IQGAP2: variants seen among roughly 807,000 people sequenced by gnomAD.
IQGAP2 encodes ras GTPase-activating-like protein IQGAP2.
A neutral mutation model predicts 201.3 loss-of-function variants in IQGAP2; 173 were observed. That is an observed-to-expected ratio of 0.86 (90% confidence interval 0.76 to 0.98). The LOEUF (loss-of-function observed/expected upper bound fraction) is 0.98. Among genes scored for constraint, IQGAP2 ranks in the 50% least tolerant of loss-of-function variants. The pLI is 0.00. For synonymous variants in IQGAP2, 675 were observed against 673.9 expected (o/e 1.00, Z -0.03); for missense variants, 1,687 against 1,864.8 (o/e 0.90, Z 1.76).
intron 17 of IQGAP2, among the ~76,000 whole-genome samples, chr5:76,643,471 G>A (rs1482441075): frequency 6.6e-6 from 1 of 152,168 alleles, no homozygotes; most frequent in Non-Finnish European, 1.5e-5. Context: ...TCACATAACA[G>A]ATGTTTCCTA....
At chr5:76,603,361 A>G (rs1328646746) in intron 11 of IQGAP2, among the ~76,000 whole-genome samples, 1 of 152,220 alleles carries the variant, frequency 6.6e-6, no homozygotes, top group Non-Finnish European at 1.5e-5. Context: ...TTAAAGGAGC[A>G]TATGCCTTGG....
chr5:76,610,829 G>A (rs1007321275), intron 12 of IQGAP2, among the ~76,000 whole-genome samples, 191 bp from the exon 13 acceptor site: 1 of 152,076 alleles, frequency 6.6e-6, no homozygotes, highest in Non-Finnish European at 1.5e-5. Context: ...GCAGTCTTAT[G>A]AATTGAATGT....
Position 76,674,728 on chromosome 5 carries a change from T to A in IQGAP2, c.3527+19T>A, listed in dbSNP as rs868585010. ...AATTCAGGTGAGAGGGGCCCTTAGTTTTGGAGAAACGTGCAAGAATGGTAG... is the reference window on the plus strand; with the variant it reads ...AATTCAGGTGAGAGGGGCCCTTAGTATTGGAGAAACGTGCAAGAATGGTAG... On this transcript the variant is annotated intron_variant, in intron 27 of 35. Coordinates refer to ENST00000274364, the MANE Select transcript of IQGAP2 (RefSeq NM_006633.5). 12 of 1,548,766 alleles carry A rather than the reference T, an allele frequency of 7.7e-6. 1 individual carries two copies. The Middle Eastern group carries it at 5.1e-4, about 65-fold the overall frequency.
At chr5:76,664,134 C>G (rs1195638767) in intron 21 of IQGAP2, among the ~76,000 whole-genome samples, 1 of 152,132 alleles carries the variant, frequency 6.6e-6, no homozygotes, top group Non-Finnish European at 1.5e-5. Flanking sequence ...TTTTGATATG[C>G]CTTCTTCACT....
chr5:76,701,033 A>G, intron 33 of IQGAP2, 43 bp from the exon 34 acceptor site: 1 of 1,607,618 alleles, frequency 6.2e-7, no homozygotes, highest in Non-Finnish European at 8.5e-7. Flanking sequence ...AAGCCTCTGC[A>G]TTTGCCATCA....
intron 1 of IQGAP2, among the ~76,000 whole-genome samples, chr5:76,427,731 G>A (rs553832071): frequency 4.6e-5 from 7 of 152,282 alleles, no homozygotes; most frequent in African/African-American, 1.7e-4. Flanking sequence ...AGGTGATGCC[G>A]GCACTGCAGG....
At chr5:76,599,823 C>T (rs1747304307) in intron 10 of IQGAP2, among the ~76,000 whole-genome samples, 2 of 151,932 alleles carry the variant, frequency 1.3e-5, no homozygotes, top group African/African-American at 4.8e-5. Context: ...TTTTCATGCT[C>T]CTGCTCCTTA....
chr5:76,496,578 A>T (rs1756900815), intron 2 of IQGAP2, among the ~76,000 whole-genome samples: 1 of 152,212 alleles, frequency 6.6e-6, no homozygotes, highest in African/African-American at 2.4e-5. Flanking sequence ...AGGGGCCTAC[A>T]CGAAGGTGTG....
intron 2 of IQGAP2, among the ~76,000 whole-genome samples, chr5:76,512,708 A>G (rs553311375): frequency 1.3e-5 from 2 of 152,236 alleles, no homozygotes; most frequent in Non-Finnish European, 2.9e-5. Context: ...AGTATTTCCA[A>G]TGACTGCAAT....
chr5:76,643,083 T>G (rs1261223204), intron 17 of IQGAP2, among the ~76,000 whole-genome samples: 1 of 152,150 alleles, frequency 6.6e-6, no homozygotes, highest in African/African-American at 2.4e-5. Context: ...GGAATGTAAC[T>G]TGTAAAATAT....
intron 10 of IQGAP2, among the ~76,000 whole-genome samples, chr5:76,600,526 A>G (rs892556434): frequency 6.6e-6 from 1 of 152,192 alleles, no homozygotes; most frequent in African/African-American, 2.4e-5. Flanking sequence ...TTAAGCAACC[A>G]GTATAGCTAG....
intron 2 of IQGAP2, among the ~76,000 whole-genome samples, chr5:76,559,654 C>T (rs1173319506): frequency 6.6e-6 from 1 of 152,220 alleles, no homozygotes; most frequent in African/African-American, 2.4e-5. Context: ...GCCTTTCCAA[C>T]TACAGCAGGT....
intron 9 of IQGAP2, among the ~76,000 whole-genome samples, chr5:76,595,271 T>C (rs1002565432): frequency 1.1e-4 from 13 of 123,222 alleles, no homozygotes; most frequent in South Asian, 6.5e-4. Flanking sequence ...TTTTTTTTTT[T>C]CCGGACAGGG....
At chr5:76,632,855 G>C (rs1044876606) in intron 15 of IQGAP2, among the ~76,000 whole-genome samples, 5 of 151,700 alleles carry the variant, frequency 3.3e-5, no homozygotes, top group East Asian at 1.9e-4. Flanking sequence ...TGTTTGTCTA[G>C]TAGTACTCTA....
In IQGAP2 at chr5:76,683,820, C is replaced by T; in HGVS notation, c.3808C>T (p.Leu1270=). ...DPNDPNKANT[L]SQLSKTEISL... ...CAATGACCCTAACAAGGCAAATACA[C>T]TAAGTCAGCTTTCAAAGACCGAGAT... is the stretch of plus-strand genomic sequence containing the variant. The change falls in exon 30 of 36, where the codon CTA becomes TTA. Residue 1270 remains leucine, a synonymous_variant. Transcript: ENST00000274364. 6.2e-7 allele frequency: 1 copy of T among 1,613,624 alleles called. No individual in the cohort carries two copies. The highest frequency in any genetic ancestry group is 8.5e-7 in the Non-Finnish European group (1 of 1,179,750).
intron 13 of IQGAP2, among the ~76,000 whole-genome samples, chr5:76,619,264 G>C (rs1385802637): frequency 6.6e-6 from 1 of 152,176 alleles, no homozygotes; most frequent in Non-Finnish European, 1.5e-5. Context: ...ATAAAGTGCA[G>C]CTGAGAAAGG....
chr5:76,548,601 C>T (rs572291121), intron 2 of IQGAP2, among the ~76,000 whole-genome samples: 1 of 152,320 alleles, frequency 6.6e-6, no homozygotes, highest in South Asian at 2.1e-4. Context: ...CAGCCGCTTA[C>T]TAGCTGTGTA....
intron 1 of IQGAP2, among the ~76,000 whole-genome samples, chr5:76,454,180 C>A (rs1205502735): frequency 6.6e-6 from 1 of 152,100 alleles, no homozygotes; most frequent in African/African-American, 2.4e-5. Flanking sequence ...TCTAGATACA[C>A]CCCACCCACA....
chr5:76,570,496 C>A (rs1745035516), intron 3 of IQGAP2, 84 bp from the exon 4 acceptor site: 1 of 873,768 alleles, frequency 1.1e-6, no homozygotes, highest in East Asian at 2.4e-5. Context: ...TGAAAAGCAT[C>A]CTGTACATGA....
Sources: gnomAD v4.1 joint callset for allele counts (sites outside exome capture counted in the v4.1 genomes callset) on GRCh38, gnomAD v4.1.1 for gene constraint, MANE v1.5 for transcripts, NCBI Gene and HGNC (gene_info 2026-07-23, HGNC 2026-07-21) for gene names.